Variants in ANO3 observed in about 807,000 individuals in gnomAD.
ANO3 encodes anoctamin-3.
In ANO3, 99 loss-of-function variants were observed where a neutral mutation model predicts 144.8. The observed-to-expected ratio is 0.68, with a 90% CI of 0.58 to 0.81. The LOEUF (loss-of-function observed/expected upper bound fraction) is 0.81. Among genes scored for constraint, ANO3 ranks in the 30% least tolerant of loss-of-function variants. ANO3 has a pLI of 0.00. For synonymous variants in ANO3, 414 were observed against 392.6 expected (o/e 1.05, Z -0.64); for missense variants, 905 against 1,202.2 (o/e 0.75, Z 3.66).
chr11:26,447,352 G>T (rs773788480), intron 3 of ANO3, among the ~76,000 whole-genome samples: 6 of 151,576 alleles, frequency 4.0e-5, no homozygotes, highest in Non-Finnish European at 7.4e-5. Flanking sequence ...AACCCTTTTA[G>T]TTAGGTAGCA....
intron 18 of ANO3, among the ~76,000 whole-genome samples, chr11:26,628,541 C>A (rs553089595): frequency 1.3e-3 from 197 of 152,310 alleles, no homozygotes; most frequent in East Asian, 9.7e-4. Flanking sequence ...AAATGATCCA[C>A]AATGTGCTAT....
chr11:26,449,624 C>T (rs562450714), intron 3 of ANO3, among the ~76,000 whole-genome samples: 2 of 152,142 alleles, frequency 1.3e-5, no homozygotes, highest in African/African-American at 2.4e-5. Context: ...TGAGTTAGTG[C>T]TTTGTTAATT....
chr11:26,658,240 C>A, intron 26 of ANO3, among the ~76,000 whole-genome samples: 1 of 152,182 alleles, frequency 6.6e-6, no homozygotes, highest in East Asian at 1.9e-4. Flanking sequence ...CCCCTTAGAG[C>A]ACCATTTAGA....
intron 1 of ANO3, among the ~76,000 whole-genome samples, chr11:26,242,349 CTG>C (rs1483402423): frequency 2.0e-5 from 3 of 152,160 alleles, no homozygotes; most frequent in African/African-American, 7.2e-5. Flanking sequence ...GAAATCTACT[CTG>C]TAGATTTGCC....
At chr11:26,336,062 G>A (rs1250253906) in intron 1 of ANO3, among the ~76,000 whole-genome samples, 2 of 152,128 alleles carry the variant, frequency 1.3e-5, no homozygotes, top group African/African-American at 4.8e-5. Flanking sequence ...AGACAACTGG[G>A]AGCATATGTT....
intron 3 of ANO3, among the ~76,000 whole-genome samples, chr11:26,456,997 T>G (rs931023081): frequency 7.4e-5 from 11 of 149,298 alleles, no homozygotes; most frequent in Non-Finnish European, 1.3e-4. Context: ...ACACCACATA[T>G]TCTCACTCAT....
At chr11:26,391,463 A>T (rs781443417) in intron 1 of ANO3, among the ~76,000 whole-genome samples, 1 of 152,134 alleles carries the variant, frequency 6.6e-6, no homozygotes, top group Non-Finnish European at 1.5e-5. Flanking sequence ...TTTCCAGGGA[A>T]TTTAAATAGT....
chr11:26,266,173 A>G (rs920420324), intron 1 of ANO3, among the ~76,000 whole-genome samples: 3 of 152,146 alleles, frequency 2.0e-5, no homozygotes, highest in African/African-American at 7.2e-5. Flanking sequence ...CTACCTCTGC[A>G]AAGTTGCTTT....
intron 14 of ANO3, among the ~76,000 whole-genome samples, chr11:26,576,005 G>A (rs1336024772): frequency 1.3e-5 from 2 of 152,086 alleles, no homozygotes; most frequent in East Asian, 1.9e-4. Flanking sequence ...ATCATAGTCC[G>A]CACATGTTAG....
chr11:26,403,158 C>T (rs1012475545), intron 1 of ANO3, among the ~76,000 whole-genome samples: 1 of 151,872 alleles, frequency 6.6e-6, no homozygotes, highest in Admixed American at 6.6e-5. Context: ...TTTTCTGTAA[C>T]TTGAAAGTTA....
chr11:26,434,331 T>C (rs983055825), intron 1 of ANO3, among the ~76,000 whole-genome samples: 3 of 152,142 alleles, frequency 2.0e-5, no homozygotes, highest in African/African-American at 4.8e-5. Context: ...TCTTCTTTAT[T>C]AGTCTAGCTA....
chr11:26,266,852 C>T (rs540904853), intron 1 of ANO3, among the ~76,000 whole-genome samples: 3 of 150,954 alleles, frequency 2.0e-5, no homozygotes, highest in Admixed American at 6.6e-5. Context: ...GAGGCCGAGG[C>T]GGGCGGATCA....
intron 1 of ANO3, among the ~76,000 whole-genome samples, chr11:26,413,466 C>A (rs1171519810): frequency 6.6e-6 from 1 of 151,996 alleles, no homozygotes; most frequent in African/African-American, 2.4e-5. Flanking sequence ...AATTTTTCAA[C>A]TGCAGTGTAA....
chr11:26,463,317 A>G (rs888139854), intron 4 of ANO3, among the ~76,000 whole-genome samples, 169 bp downstream of exon 4: 3 of 151,886 alleles, frequency 2.0e-5, no homozygotes, highest in African/African-American at 4.8e-5. Flanking sequence ...GTTGATATTC[A>G]TATTTGTTAT....
At chr11:26,386,633 G>A (rs1232723735) in intron 1 of ANO3, among the ~76,000 whole-genome samples, 1 of 152,154 alleles carries the variant, frequency 6.6e-6, no homozygotes, top group African/African-American at 2.4e-5. Context: ...TATTTCTGTA[G>A]TATTTGTGCC....
rs531812692 is a variant in ANO3 at position 26,237,171 on chromosome 11, A to G, written c.154+47841A>G. ...CTAAAATCGAGATTTTTCAATCTAT[A>G]GAATTGATTCTAACTCTATTTAATT... On this transcript the variant is annotated intron_variant, in intron 1 of 27. Coordinates refer to the ANO3 transcript ENST00000672621. Among the ~76,000 whole-genome samples the G allele has an allele frequency of 5.9e-5, 9 of 152,296 alleles. No individual in the cohort carries two copies. The East Asian group carries it at 1.7e-3, about 29-fold the overall frequency.
chr11:26,602,234 A>G (rs749241703), intron 17 of ANO3, among the ~76,000 whole-genome samples: 7 of 152,206 alleles, frequency 4.6e-5, no homozygotes, highest in Non-Finnish European at 7.3e-5. Context: ...TGTGAAGCAT[A>G]TTAGAATAAA....
At chr11:26,245,018 T>TGTGTGTGTGTGTGTGTGTGCGC (rs151031559) in intron 1 of ANO3, among the ~76,000 whole-genome samples, 7 of 145,324 alleles carry the variant, frequency 4.8e-5, no homozygotes, top group African/African-American at 1.8e-4. Flanking sequence ...TGTGTGTGTG[T>TGTGTGTGTGTGTGTGTGTGCGC]GTGCATGCAT....
At chr11:26,379,830 T>C (rs1478232022) in intron 1 of ANO3, among the ~76,000 whole-genome samples, 6 of 152,040 alleles carry the variant, frequency 3.9e-5, no homozygotes, top group East Asian at 1.9e-4. Context: ...CTGGCATTTA[T>C]TGGTAGTAGA....
Sources: allele counts gnomAD v4.1 joint callset (sites outside exome capture counted in the v4.1 genomes callset), GRCh38; gene constraint gnomAD v4.1.1; transcripts MANE v1.5; gene names NCBI Gene and HGNC (gene_info 2026-07-23, HGNC 2026-07-21).